The following TMPRSS3 variants were observed in gnomAD, a reference collection of about 807,000 sequenced individuals.
The protein encoded by TMPRSS3 is transmembrane protease serine 3.
Under a neutral mutation model 59.6 loss-of-function variants are expected in TMPRSS3, and 55 were observed. The ratio of observed to expected loss-of-function variants is 0.92; its 90% CI spans 0.74 to 1.16. The LOEUF (loss-of-function observed/expected upper bound fraction) is 1.16, where lower values mean the gene tolerates loss of function less well. TMPRSS3 is among the 50% of genes most tolerant of loss of function. The pLI is 0.00. For missense variants in TMPRSS3, 596 were observed against 579.4 expected (o/e 1.03, Z -0.29); for synonymous variants, 257 against 237.7 (o/e 1.08, Z -0.75).
intron 2 of TMPRSS3, among the ~76,000 whole-genome samples, chr21:42,391,604 C>G (rs562694209): frequency 2.0e-5 from 3 of 152,330 alleles, no homozygotes; most frequent in African/African-American, 7.2e-5. Flanking sequence ...CTGGGATATG[C>G]AGCAGCAATG....
chr21:42,388,314 C>T lies in TMPRSS3; in HGVS notation c.446+89G>A, dbSNP rs2052668931. On this transcript the variant is annotated intron_variant, in intron 5 of 12. Coordinates refer to ENST00000644384, the MANE Select transcript of TMPRSS3 (RefSeq NM_001256317.3). The surrounding 1 kb of genome is among the most constrained non-coding windows in gnomAD (Gnocchi z 5.1). ...TGTAATCTGAGAGCGTTAAAGCACC[C>T]AATAGTGCCCAACTAAATGGTAGTT... 3 of 1,574,156 alleles carry T rather than the reference C, an allele frequency of 1.9e-6. No individual in the cohort carries two copies. Among genetic ancestry groups the T allele is most frequent in the Non-Finnish European group, 2.6e-6 (3 of 1,144,526 alleles).
intron 12 of TMPRSS3, among the ~76,000 whole-genome samples, chr21:42,374,070 C>T (rs2052379889): frequency 6.6e-6 from 1 of 152,182 alleles, no homozygotes; most frequent in Non-Finnish European, 1.5e-5. Flanking sequence ...GCCCTCTGTG[C>T]CCACGCGACC....
At chr21:42,382,000 G>A in intron 9 of TMPRSS3, 65 bp downstream of exon 9, 4 of 1,593,064 alleles carry the variant, frequency 2.5e-6, no homozygotes, top group Non-Finnish European at 3.4e-6. Flanking sequence ...ATGCTTCAAT[G>A]AGCAATTGCA....
chr21:42,381,759 A>T, intron 9 of TMPRSS3: 1 of 508,812 alleles, frequency 2.0e-6, no homozygotes, highest in South Asian at 2.0e-5. Flanking sequence ...GTAGGCCAGG[A>T]TCTACAAACT....
intron 10 of TMPRSS3, 26 bp downstream of exon 10, chr21:42,380,091 C>T: frequency 1.2e-6 from 2 of 1,600,152 alleles, no homozygotes; most frequent in South Asian, 2.2e-5. Flanking sequence ...CCCCTGGACT[C>T]CGAATCTTGG....
chr21:42,373,438 C>T (rs1398899441), intron 12 of TMPRSS3, among the ~76,000 whole-genome samples: 1 of 152,190 alleles, frequency 6.6e-6, no homozygotes, highest in South Asian at 2.1e-4. Flanking sequence ...GCCAGCGTCA[C>T]AGACGAGCTC....
chr21:42,382,083 C>T lies in TMPRSS3; in HGVS notation c.934G>A (p.Gly312Arg), dbSNP rs745895791. 8.7e-6 allele frequency: 14 copies of T among 1,614,078 alleles called. No individual in the cohort carries two copies. The highest frequency in any genetic ancestry group is 1.6e-4 in the Middle Eastern group (1 of 6,084). Residue 312 changes from glycine to arginine, a missense_variant, in exon 9 of 13, where the codon GGG (glycine) becomes AGG (arginine). Transcript: ENST00000644384. The stretch of plus-strand genomic sequence containing the variant: ...GATGTACCATTGAACGTGAGTGGCC[C>T]GGCCAGCTTCATAAGGGCGATGTCA... ...GNDIALMKLAGPLTFNEMIQP... is the reference protein window; with the variant it reads ...GNDIALMKLARPLTFNEMIQP...
At chr21:42,383,923 A>G (rs1384588910) in intron 7 of TMPRSS3, 47 bp downstream of exon 7, 2 of 1,601,532 alleles carry the variant, frequency 1.2e-6, no homozygotes, top group African/African-American at 2.7e-5. Flanking sequence ...GATAGGACTT[A>G]GCATGTGCTT....
intron 10 of TMPRSS3, among the ~76,000 whole-genome samples, chr21:42,378,535 C>G (rs2052467546): frequency 6.6e-6 from 1 of 152,118 alleles, no homozygotes; most frequent in Non-Finnish European, 1.5e-5. Flanking sequence ...GATACAGAGA[C>G]ACAGGGGGCA....
At chr21:42,377,221 G>T (rs1421191673) in intron 10 of TMPRSS3, among the ~76,000 whole-genome samples, 1 of 152,242 alleles carries the variant, frequency 6.6e-6, no homozygotes, top group African/African-American at 2.4e-5. Context: ...TGAGTGGGGA[G>T]ATGATCCCAA....
rs2052412655 is a variant in TMPRSS3 at position 42,375,699 on chromosome 21, G to C, written c.1344+17C>G. 3.7e-6 allele frequency: 6 copies of C among 1,613,658 alleles called. No homozygotes were observed. The East Asian group carries it at 1.3e-4, about 36-fold the overall frequency. ...AAAGCCAGGGACAACGTGAGCTGGG[G>C]AGGGCGCCGCACCCACCTCCATCTG... On this transcript the variant is annotated intron_variant, in intron 12 of 12. Transcript: ENST00000644384.
In TMPRSS3 at chr21:42,383,979, GC is replaced by G; in HGVS notation, c.606del (p.Leu202PhefsTer73). The G allele has an allele frequency of 6.2e-7, 1 of 1,614,100 alleles. No individual in the cohort carries two copies. The highest frequency in any genetic ancestry group is 8.5e-7 in the Non-Finnish European group (1 of 1,180,002). On this transcript the variant is annotated frameshift_variant, in exon 7 of 13. Transcript: ENST00000644384. LOFTEE classifies it high-confidence loss of function. ...EGCASGHVVT[L>X]QCTACGHRRG... The stretch of plus-strand genomic sequence containing the variant: ...TTTCTGGAACTCTTACCTGTGCACT[GC>G]AAGGTAACCACGTGGCCAGAGGCAC...
At position 42,371,933 on chromosome 21, in the gene TMPRSS3, C is replaced by G. The variant is rs562018552; in HGVS notation, c.*829G>C. ...TATTTGGAATCAAAGGACAATAATA[C>G]GTCAAGCACCAAATGCTACAAAGAA... On this transcript the variant is annotated 3_prime_UTR_variant, in exon 13 of 13. Transcript: ENST00000644384. 2.2e-6 allele frequency: 1 copy of G among 454,490 alleles called. No individual in the cohort carries two copies. Among genetic ancestry groups the G allele is most frequent in the Non-Finnish European group, 4.4e-6 (1 of 226,782 alleles). The allele number at this position is 454,490 out of a possible 1,614,324, so 28.2% of individuals were successfully genotyped here.
In TMPRSS3 at chr21:42,388,619, C is replaced by T. The variant is rs2052676523; in HGVS notation, c.323-93G>A. On this transcript the variant is annotated intron_variant, in intron 4 of 12. Coordinates refer to ENST00000644384, the MANE Select transcript of TMPRSS3 (RefSeq NM_001256317.3). This position sits in a 1 kb window ranked among gnomAD's most constrained non-coding sequence, Gnocchi z 5.1. ...TCTCCACAGCCAGCTCAAACCCCTC[C>T]TCTGCCAAATCTGACCCACTTCTTG... The T allele has an allele frequency of 1.3e-6, 2 of 1,589,484 alleles. No individual in the cohort carries two copies. The highest frequency in any genetic ancestry group is 1.7e-6 in the Non-Finnish European group (2 of 1,161,044).
intron 1 of TMPRSS3, 62 bp downstream of exon 1, chr21:42,395,880 C>G: frequency 2.0e-6 from 1 of 498,836 alleles, no homozygotes; most frequent in South Asian, 1.5e-5. Context: ...CCCACATAAA[C>G]GCAATTCTTT....
rs137853000 is a variant in TMPRSS3 at position 42,383,168 on chromosome 21, C to A, written c.647G>T (p.Arg216Leu). 1.9e-6 allele frequency: 3 copies of A among 1,613,940 alleles called. No homozygotes were observed. The highest frequency in any genetic ancestry group is 2.5e-6 in the Non-Finnish European group (3 of 1,180,032). ...ACGHRRGYSS[R>L]IVGGNMSLLS... Reference sequence around the variant, plus strand: ...CAAGGACATGTTTCCACCCACGATGCGTGAGCTGTAGCCCCTTCTATGACC... The same window carrying A: ...CAAGGACATGTTTCCACCCACGATGAGTGAGCTGTAGCCCCTTCTATGACC... The change falls in exon 8 of 13, where the codon CGC (arginine) becomes CTC (leucine). Residue 216 changes from arginine to leucine, a missense_variant. Transcript: ENST00000644384.
chr21:42,385,484 C>T lies in TMPRSS3; in HGVS notation c.497G>A (p.Arg166Gln), dbSNP rs150397427. 30 of 1,614,050 alleles carry T rather than the reference C, an allele frequency of 1.9e-5. No individual in the cohort carries two copies. The highest frequency in any genetic ancestry group is 4.5e-5 in the East Asian group (2 of 44,878). The change falls in exon 6 of 13, where the codon CGG (arginine) becomes CAG (glutamine). Residue 166 changes from arginine to glutamine, a missense_variant. Arg to Gln is a conservative substitution (Grantham distance 43). Coordinates refer to ENST00000644384, the MANE Select transcript of TMPRSS3 (RefSeq NM_001256317.3). ...LRVSSLEGQF[R>Q]EEFVSIDHLL... ...GTGATCGATGGACACAAACTCCTCCCGGAACTGCCCCTCCAGCGAGCTCAC... is the reference window on the plus strand; with the variant it reads ...GTGATCGATGGACACAAACTCCTCCTGGAACTGCCCCTCCAGCGAGCTCAC...
intron 9 of TMPRSS3, among the ~76,000 whole-genome samples, chr21:42,381,384 G>A (rs1488809103): frequency 6.6e-6 from 1 of 152,184 alleles, no homozygotes; most frequent in Non-Finnish European, 1.5e-5. Flanking sequence ...AAAGAAATGA[G>A]AGGACTCCAC....
rs540730070 is a variant in TMPRSS3 at position 42,375,082 on chromosome 21, A to G, written c.1344+634T>C. Among the ~76,000 whole-genome samples the G allele has an allele frequency of 3.0e-4, 45 of 152,094 alleles. No homozygotes were observed. The East Asian group carries it at 8.4e-3, about 28-fold the overall frequency. On this transcript the variant is annotated intron_variant, in intron 12 of 12. Coordinates refer to ENST00000644384, the MANE Select transcript of TMPRSS3 (RefSeq NM_001256317.3). ...GTTCACCTGCCAGCACGCAGCTGCC[A>G]GGGTCCCAGCGAAGCCCTAAGCCTC...
Sources: allele counts gnomAD v4.1 joint callset (sites outside exome capture counted in the v4.1 genomes callset), GRCh38; gene constraint gnomAD v4.1.1; non-coding constraint Gnocchi (gnomAD v3.1); transcripts MANE v1.5; gene names NCBI Gene and HGNC (gene_info 2026-07-23, HGNC 2026-07-21).